The following FAXC variants were observed in gnomAD, a reference collection of about 807,000 sequenced individuals.
FAXC encodes failed axon connections homolog.
FAXC carries 10 observed loss-of-function variants against 41.9 expected under a neutral mutation model. The ratio of observed to expected loss-of-function variants is 0.24; its 90% CI spans 0.15 to 0.41. The LOEUF is 0.41. Ranked by LOEUF, FAXC falls within the 10% of genes least tolerant of loss-of-function variation. The pLI is 1.00. For missense variants in FAXC, 399 were observed against 510.9 expected, an observed-to-expected ratio of 0.78 and a Z score of 2.11; for synonymous variants, 183 against 183.8, an observed-to-expected ratio of 1.00 and a Z score of 0.03.
At chr6:99,296,555 C>T (rs767424237) in intron 4 of FAXC, among the ~76,000 whole-genome samples, 3 of 152,152 alleles carry the variant, frequency 2.0e-5, no homozygotes, top group Non-Finnish European at 4.4e-5. Flanking sequence ...TACATCAGAC[C>T]TTCTAAAGTA....
chr6:99,302,242 G>T (rs183520584), intron 4 of FAXC, among the ~76,000 whole-genome samples: 3 of 152,190 alleles, frequency 2.0e-5, no homozygotes, highest in South Asian at 4.1e-4. Flanking sequence ...GCTGGCTTCT[G>T]TCAGAGCAAA....
At chr6:99,289,092 T>G (rs1197726078) in intron 5 of FAXC, among the ~76,000 whole-genome samples, 1 of 152,214 alleles carries the variant, frequency 6.6e-6, no homozygotes, top group East Asian at 1.9e-4. Flanking sequence ...CTATGTGCTA[T>G]TCTACTGGTC....
Position 99,279,674 on chromosome 6 carries a change from A to AAACAAC in FAXC, c.*1484_*1489dup, listed in dbSNP as rs538775524. 1.2e-4 allele frequency: 18 copies of AAACAAC among 151,960 alleles called. No individual in the cohort carries two copies. The East Asian group carries it at 2.5e-3, about 21-fold the overall frequency. The allele number at this position is 151,960 out of a possible 1,614,324, so 9.4% of individuals were successfully genotyped here. ...TTTCCCTGGAAAATGTCCTAAGTCA[A>AAACAAC]AACAACAACAACAACAACAACTTCA... On this transcript the variant is annotated 3_prime_UTR_variant, in exon 6 of 6. Coordinates refer to ENST00000389677, the MANE Select transcript of FAXC (RefSeq NM_032511.4).
intron 4 of FAXC, among the ~76,000 whole-genome samples, chr6:99,307,916 T>C (rs1386338923): frequency 6.6e-6 from 1 of 151,814 alleles, no homozygotes; most frequent in Non-Finnish European, 1.5e-5. Context: ...GAAATATAAA[T>C]AGATCAAATG....
chr6:99,318,803 G>GC (rs1303446761), intron 4 of FAXC, among the ~76,000 whole-genome samples: 1 of 152,172 alleles, frequency 6.6e-6, no homozygotes, highest in Non-Finnish European at 1.5e-5. Flanking sequence ...AAATCAAAGA[G>GC]CTGGTAAGCG....
chr6:99,319,136 G>A (rs940645483), intron 4 of FAXC, among the ~76,000 whole-genome samples: 7 of 152,250 alleles, frequency 4.6e-5, no homozygotes, highest in African/African-American at 7.2e-5. Flanking sequence ...GGTGGCTCAC[G>A]CCTGTAATCC....
chr6:99,316,886 T>C (rs1210567987), intron 4 of FAXC, among the ~76,000 whole-genome samples: 1 of 152,222 alleles, frequency 6.6e-6, no homozygotes, highest in Non-Finnish European at 1.5e-5. Context: ...ACTGTCATTA[T>C]ACATGCTTAG....
In FAXC at chr6:99,273,257, A is replaced by T. The variant is rs555535838; in HGVS notation, c.*7907T>A. On this transcript the variant is annotated 3_prime_UTR_variant, in exon 6 of 6. Coordinates refer to ENST00000389677, the MANE Select transcript of FAXC (RefSeq NM_032511.4). ...AAATGTGGGTTCAAATTATGCCAACATTGGCCCTTCCTATCTCAGATACCT... is the reference window on the plus strand; with the variant it reads ...AAATGTGGGTTCAAATTATGCCAACTTTGGCCCTTCCTATCTCAGATACCT... 1 of 152,232 alleles carries T rather than the reference A, an allele frequency of 6.6e-6. No individual in the cohort carries two copies. The highest frequency in any genetic ancestry group is 2.4e-5 in the African/African-American group (1 of 41,538). 9.4% of individuals were successfully genotyped at this position (152,232 alleles called of 1,614,324 possible). A position where few individuals can be genotyped will look rare whatever the true frequency, so the allele number is the denominator to read the frequency against.
At chr6:99,336,531 TA>T (rs1404278718) in intron 2 of FAXC, among the ~76,000 whole-genome samples, 2 of 152,206 alleles carry the variant, frequency 1.3e-5, no homozygotes, top group African/African-American at 4.8e-5. Context: ...GATAAAGAGG[TA>T]AATCCTCCAT....
At chr6:99,284,181 C>G (rs1029313749) in intron 5 of FAXC, 1 of 152,190 alleles carries the variant, frequency 6.6e-6, no homozygotes, top group African/African-American at 2.4e-5. Context: ...GAGCTGACAG[C>G]ATGGCCTGGG....
intron 4 of FAXC, among the ~76,000 whole-genome samples, chr6:99,316,157 G>GCCCCC (rs71021722): frequency 6.1e-5 from 9 of 146,344 alleles, no homozygotes; most frequent in East Asian, 4.3e-4. Context: ...TAACCCACTC[G>GCCCCC]CCCCCCCCCA....
At chr6:99,291,386 C>T (rs1771235297) in intron 5 of FAXC, among the ~76,000 whole-genome samples, 1 of 152,154 alleles carries the variant, frequency 6.6e-6, no homozygotes, top group African/African-American at 2.4e-5. Flanking sequence ...GGAATTCAAG[C>T]CCTATTTCAG....
At chr6:99,294,043 A>G (rs899534000) in intron 4 of FAXC, among the ~76,000 whole-genome samples, 3 of 152,172 alleles carry the variant, frequency 2.0e-5, no homozygotes, top group African/African-American at 7.2e-5. Flanking sequence ...TATGCCATAG[A>G]GACCAAGAAA....
chr6:99,350,040 A>G (rs1773757222), upstream of FAXC: 1 of 152,264 alleles, frequency 6.6e-6, no homozygotes. Flanking sequence ...AGCTGCGGGC[A>G]GGAGACGCCA....
At chr6:99,340,451 A>G (rs1224367399) in intron 2 of FAXC, among the ~76,000 whole-genome samples, 1 of 152,074 alleles carries the variant, frequency 6.6e-6, no homozygotes, top group East Asian at 1.9e-4. Flanking sequence ...AATTTATCAA[A>G]TGTGAGAGTA....
At chr6:99,301,384 A>G (rs1376412197) in intron 4 of FAXC, among the ~76,000 whole-genome samples, 1 of 152,254 alleles carries the variant, frequency 6.6e-6, no homozygotes, top group East Asian at 1.9e-4. Context: ...CTGACAATTC[A>G]ATGGTTAAGA....
chr6:99,310,126 A>C (rs772082002), intron 4 of FAXC, among the ~76,000 whole-genome samples: 1 of 152,090 alleles, frequency 6.6e-6, no homozygotes, highest in Non-Finnish European at 1.5e-5. Flanking sequence ...CACACCAAAA[A>C]AGTCTACTGT....
chr6:99,349,946 C>T (rs1008883843), upstream of FAXC: 2 of 152,170 alleles, frequency 1.3e-5, no homozygotes, highest in Non-Finnish European at 2.9e-5. Context: ...CCTCCCCTAC[C>T]CCGGCCGGCC....
intron 5 of FAXC, among the ~76,000 whole-genome samples, chr6:99,289,224 G>C (rs4840026): frequency 0.53 from 81,314 of 152,008 alleles, 22,410 homozygotes; most frequent in African/African-American, 0.65. Flanking sequence ...CCAGGCACTT[G>C]CTTAGGTACT....
Sources: gnomAD v4.1 joint callset for allele counts (sites outside exome capture counted in the v4.1 genomes callset) on GRCh38, gnomAD v4.1.1 for gene constraint, MANE v1.5 for transcripts, NCBI Gene and HGNC (gene_info 2026-07-23, HGNC 2026-07-21) for gene names.